The following CCDC38 variants were observed in gnomAD, a reference collection of about 807,000 sequenced individuals.
CCDC38 encodes the protein coiled-coil domain-containing protein 38.
A neutral mutation model predicts 72.8 loss-of-function variants in CCDC38; 69 were observed. The observed-to-expected ratio is 0.95, with a 90% CI of 0.78 to 1.16. CCDC38 has a LOEUF of 1.16. Ranked by LOEUF, CCDC38 falls within the 50% of genes most tolerant of loss-of-function variation. The pLI is 0.00. For missense variants in CCDC38, 626 were observed against 638.9 expected (o/e 0.98, Z 0.22); for synonymous variants, 201 against 213.2 (o/e 0.94, Z 0.50).
At chr12:95,900,642 C>T (rs2079940516) in intron 5 of CCDC38, among the ~76,000 whole-genome samples, 1 of 152,082 alleles carries the variant, frequency 6.6e-6, no homozygotes, top group Non-Finnish European at 1.5e-5. Context: ...AATGGTTACA[C>T]CTGTGCAATT....
chr12:95,891,014 G>A lies in CCDC38; in HGVS notation c.773-84C>T. 1.2e-5 allele frequency: 9 copies of A among 736,260 alleles called. No homozygotes were observed. In the South Asian group the frequency reaches 1.6e-4, roughly 13 times the overall value. 45.6% of individuals were successfully genotyped at this position (736,260 alleles called of 1,614,324 possible). On this transcript the variant is annotated intron_variant, in intron 8 of 15. Coordinates refer to ENST00000344280, the MANE Select transcript of CCDC38 (RefSeq NM_182496.3). Reference sequence around the variant, plus strand: ...CTGAGAAAGAGAGCTTTGTCTCAGGGTGAAGATAGAGTTATTGTCAAAACT... The same window carrying A: ...CTGAGAAAGAGAGCTTTGTCTCAGGATGAAGATAGAGTTATTGTCAAAACT...
chr12:95,878,196 C>CA lies in CCDC38; in HGVS notation c.1278+14dup. 6.2e-7 allele frequency: 1 copy of CA among 1,611,832 alleles called. No homozygotes were observed. Among genetic ancestry groups the CA allele is most frequent in the Non-Finnish European group, 8.5e-7 (1 of 1,179,276 alleles). ...TGAGCCAAAATGAAATCACCATAGG[C>CA]AAAGAGTGATTTACCTGAGCATCTG... On this transcript the variant is annotated intron_variant, in intron 13 of 15. Coordinates refer to ENST00000344280, the MANE Select transcript of CCDC38 (RefSeq NM_182496.3).
chr12:95,913,065 A>G (rs2080111340), intron 4 of CCDC38, among the ~76,000 whole-genome samples: 1 of 152,148 alleles, frequency 6.6e-6, no homozygotes, highest in Non-Finnish European at 1.5e-5. Context: ...ACCCTGTCTC[A>G]AAAGTTAATA....
intron 1 of CCDC38, among the ~76,000 whole-genome samples, chr12:95,941,846 T>C (rs574576923): frequency 6.6e-6 from 1 of 152,228 alleles, no homozygotes; most frequent in African/African-American, 2.4e-5. Context: ...TGAATAATCT[T>C]CTGATGCCCC....
At chr12:95,893,416 TCCCTCCC>T (rs2079850668) in intron 8 of CCDC38, among the ~76,000 whole-genome samples, 1 of 33,366 alleles carries the variant, frequency 3.0e-5, no homozygotes, top group South Asian at 2.2e-3. Flanking sequence ...CTTCCCTCCC[TCCCTCCC>T]TCCCTCCCTC....
At chr12:95,884,097 A>G (rs929171264) in intron 10 of CCDC38, among the ~76,000 whole-genome samples, 1 of 152,228 alleles carries the variant, frequency 6.6e-6, no homozygotes, top group Non-Finnish European at 1.5e-5. Flanking sequence ...CAATAAAGCA[A>G]GAAAAAGAGA....
chr12:95,893,482 C>CTCTTTCTT (rs113259819), intron 8 of CCDC38, among the ~76,000 whole-genome samples: 5,745 of 129,550 alleles, frequency 0.044, 198 homozygotes, highest in Middle Eastern at 0.1. Flanking sequence ...CTCTCTCTCT[C>CTCTTTCTT]TCTTTCTTTC....
intron 2 of CCDC38, among the ~76,000 whole-genome samples, chr12:95,919,984 G>A (rs980352638): frequency 6.6e-6 from 1 of 152,128 alleles, no homozygotes; most frequent in Non-Finnish European, 1.5e-5. Flanking sequence ...CTACTGCTAG[G>A]ATATACCAAA....
intron 2 of CCDC38, among the ~76,000 whole-genome samples, chr12:95,921,336 T>G (rs1010603414): frequency 5.3e-5 from 8 of 152,164 alleles, no homozygotes; most frequent in Admixed American, 1.3e-4. Context: ...ATTGTCTATT[T>G]TCACACTGCT....
At chr12:95,874,138 AAAAT>A (rs2079611146) in intron 13 of CCDC38, among the ~76,000 whole-genome samples, 1 of 152,256 alleles carries the variant, frequency 6.6e-6, no homozygotes, top group Non-Finnish European at 1.5e-5. Context: ...AATATAAAAG[AAAAT>A]AAAAGTAACC....
chr12:95,915,696 G>C (rs1174576422), intron 4 of CCDC38, among the ~76,000 whole-genome samples: 1 of 152,224 alleles, frequency 6.6e-6, no homozygotes, highest in Non-Finnish European at 1.5e-5. Flanking sequence ...GTCTGAGGGT[G>C]ACTTCTATAT....
chr12:95,891,954 G>T (rs1017910406), intron 8 of CCDC38, among the ~76,000 whole-genome samples: 1 of 152,032 alleles, frequency 6.6e-6, no homozygotes, highest in African/African-American at 2.4e-5. Flanking sequence ...AGTGGCATCA[G>T]TTCTCAGCTG....
In CCDC38 at chr12:95,879,788, G is replaced by A; in HGVS notation, c.998C>T (p.Ala333Val). The change falls in exon 12 of 16, where the codon GCA (alanine) becomes GTA (valine). Residue 333 changes from alanine (A) to valine (V), a missense_variant. Ala to Val is a moderately conservative substitution (Grantham distance 64, BLOSUM62 0). Transcript: ENST00000344280. This position sits in a 1 kb window ranked among gnomAD's most constrained non-coding sequence, Gnocchi z 5.5. ...CTCCTCTGGTTCCTTGAAATAAAGT[G>A]CTGGCTCCTAATTAATCAATAATGA... is the stretch of plus-strand genomic sequence containing the variant. Reference protein sequence around the residue: ...DDEMDVDLEPALYFKEPEELL... With the variant: ...DDEMDVDLEPVLYFKEPEELL... 1 of 1,598,812 alleles carries A rather than the reference G, an allele frequency of 6.3e-7. No homozygotes were observed. The highest frequency in any genetic ancestry group is 8.5e-7 in the Non-Finnish European group (1 of 1,173,664).
intron 8 of CCDC38, among the ~76,000 whole-genome samples, chr12:95,892,760 G>C (rs899994421): frequency 1.3e-5 from 2 of 151,658 alleles, no homozygotes; most frequent in Non-Finnish European, 2.9e-5. Flanking sequence ...TAGTAGAGAC[G>C]GGGTTTCACC....
intron 2 of CCDC38, among the ~76,000 whole-genome samples, chr12:95,930,099 G>C (rs569874519): frequency 6.6e-6 from 1 of 152,156 alleles, no homozygotes; most frequent in East Asian, 1.9e-4. Flanking sequence ...CACATTCCCA[G>C]TTTCCAGAGG....
At chr12:95,867,414 T>C (rs978391195) in intron 15 of CCDC38, among the ~76,000 whole-genome samples, 1 of 152,106 alleles carries the variant, frequency 6.6e-6, no homozygotes, top group Non-Finnish European at 1.5e-5. Flanking sequence ...GGAACAGCAG[T>C]TAGGTTTTAT....
chr12:95,882,503 C>G (rs1592760011), intron 10 of CCDC38, among the ~76,000 whole-genome samples: 1 of 152,066 alleles, frequency 6.6e-6, no homozygotes, highest in Non-Finnish European at 1.5e-5. Context: ...AAAATACACA[C>G]CTGGAGCTGC....
At chr12:95,918,766 A>G (rs1174040854) in intron 3 of CCDC38, 110 bp downstream of exon 3, 1 of 690,174 alleles carries the variant, frequency 1.4e-6, no homozygotes, top group Non-Finnish European at 2.6e-6. Flanking sequence ...GGCACACACC[A>G]TCTGCGTCTA....
chr12:95,929,754 A>C (rs2080316999), intron 2 of CCDC38, among the ~76,000 whole-genome samples: 1 of 152,250 alleles, frequency 6.6e-6, no homozygotes, highest in Admixed American at 6.5e-5. Context: ...TGTTTCCATA[A>C]TAAGATATCA....
Sources: allele counts gnomAD v4.1 joint callset (sites outside exome capture counted in the v4.1 genomes callset), GRCh38; gene constraint gnomAD v4.1.1; non-coding constraint Gnocchi (gnomAD v3.1); transcripts MANE v1.5; gene names NCBI Gene and HGNC (gene_info 2026-07-23, HGNC 2026-07-21).